CNTN4: variants seen among roughly 807,000 people sequenced by gnomAD.
The protein encoded by CNTN4 is contactin 4.
A neutral mutation model predicts 122.5 loss-of-function variants in CNTN4; 77 were observed. The observed-to-expected ratio is 0.63, with a 90% confidence interval of 0.52 to 0.76. The LOEUF is 0.76. Among genes scored for constraint, CNTN4 ranks in the 30% least tolerant of loss-of-function variants. CNTN4 has a pLI of 0.00. For synonymous variants in CNTN4, 512 were observed against 447.0 expected, an observed-to-expected ratio of 1.15 and a Z score of -1.83; for missense variants, 1,256 against 1,259.1, an observed-to-expected ratio of 1.00 and a Z score of 0.04.
intron 4 of CNTN4, among the ~76,000 whole-genome samples, chr3:2,684,869 CAAG>C (rs2085351134): frequency 6.6e-6 from 1 of 152,036 alleles, no homozygotes; most frequent in Non-Finnish European, 1.5e-5. Flanking sequence ...AGTGCTCAAG[CAAG>C]AAGATTTAGG....
At chr3:2,172,517 A>G (rs1415281503) in intron 2 of CNTN4, among the ~76,000 whole-genome samples, 1 of 152,198 alleles carries the variant, frequency 6.6e-6, no homozygotes, top group Non-Finnish European at 1.5e-5. Context: ...TATCCACGTA[A>G]CCAAAAACCA....
chr3:2,208,651 A>T (rs1575084900), intron 2 of CNTN4, among the ~76,000 whole-genome samples: 1 of 152,274 alleles, frequency 6.6e-6, no homozygotes, highest in Middle Eastern at 3.4e-3. Context: ...ACAGCACCAC[A>T]TGCTACAGAG....
At chr3:2,263,160 C>G (rs1163538240) in intron 2 of CNTN4, among the ~76,000 whole-genome samples, 1 of 152,082 alleles carries the variant, frequency 6.6e-6, no homozygotes, top group Non-Finnish European at 1.5e-5. Context: ...GAAAAATTAG[C>G]AGTATTTTGC....
At chr3:2,610,580 T>A (rs915000770) in intron 4 of CNTN4, among the ~76,000 whole-genome samples, 1 of 152,224 alleles carries the variant, frequency 6.6e-6, no homozygotes, top group Non-Finnish European at 1.5e-5. Context: ...TTACACTTTG[T>A]GTATTTTGCC....
chr3:2,512,821 A>G (rs2076928113), intron 3 of CNTN4, among the ~76,000 whole-genome samples: 1 of 152,194 alleles, frequency 6.6e-6, no homozygotes, highest in East Asian at 1.9e-4. Context: ...AGTGGGAAAT[A>G]CAGTTTCCCT....
intron 3 of CNTN4, among the ~76,000 whole-genome samples, chr3:2,436,553 T>C (rs1575625780): frequency 6.6e-6 from 1 of 152,098 alleles, no homozygotes; most frequent in East Asian, 1.9e-4. Flanking sequence ...GGAATCACTC[T>C]CTTTTGGCCT....
chr3:3,051,319 CAAGT>C (rs1411939934), intron 23 of CNTN4, among the ~76,000 whole-genome samples: 2 of 152,146 alleles, frequency 1.3e-5, no homozygotes, highest in African/African-American at 2.4e-5. Context: ...TCAGCTCAAG[CAAGT>C]GTTTGGTGTA....
At chr3:2,631,535 TCTGGTTCTATA>T (rs2082429420) in intron 4 of CNTN4, among the ~76,000 whole-genome samples, 1 of 152,160 alleles carries the variant, frequency 6.6e-6, no homozygotes, top group South Asian at 2.1e-4. Context: ...ATGTCCACCA[TCTGGTTCTATA>T]CCGGTTTTCA....
intron 3 of CNTN4, among the ~76,000 whole-genome samples, chr3:2,502,342 T>G (rs745932293): frequency 1.3e-5 from 2 of 152,166 alleles, no homozygotes; most frequent in Non-Finnish European, 2.9e-5. Context: ...AACCAGGGTT[T>G]TAAAGTTTTT....
chr3:2,489,943 GC>G (rs1433055520), intron 3 of CNTN4, among the ~76,000 whole-genome samples: 1 of 152,078 alleles, frequency 6.6e-6, no homozygotes, highest in East Asian at 1.9e-4. Flanking sequence ...AGTCTATTCT[GC>G]CATTTTATAT....
intron 4 of CNTN4, among the ~76,000 whole-genome samples, chr3:2,572,546 C>T (rs1394200967): frequency 6.6e-6 from 1 of 152,172 alleles, no homozygotes; most frequent in Non-Finnish European, 1.5e-5. Context: ...GCTTGGGCTG[C>T]TGTGTATCAT....
At chr3:2,866,696 C>T in intron 7 of CNTN4, 56 bp from the exon 8 acceptor site, 3 of 1,481,642 alleles carry the variant, frequency 2.0e-6, no homozygotes, top group South Asian at 2.3e-5. Flanking sequence ...TTCATGAAAA[C>T]AGTAGAGTTC....
rs76285896 is a variant in CNTN4, at chr3:2,674,920, C to G, written c.56-61295C>G. On this transcript the variant is annotated intron_variant, in intron 4 of 24. Coordinates refer to ENST00000418658, the MANE Select transcript of CNTN4 (RefSeq NM_175607.3). ...TTCCCAGCCTCTAGTAGCCTCTATTCTACTCTCTACTTTCATATGATTAAT... is the reference window on the plus strand; with the variant it reads ...TTCCCAGCCTCTAGTAGCCTCTATTGTACTCTCTACTTTCATATGATTAAT... 7.6e-3 allele frequency among the ~76,000 whole-genome samples: 1,155 copies of G among 152,304 alleles called. 47 individuals are homozygous for G. The East Asian group carries it at 0.11, about 15-fold the overall frequency.
At chr3:2,741,005 A>G (rs1051833978) in intron 5 of CNTN4, among the ~76,000 whole-genome samples, 1 of 152,170 alleles carries the variant, frequency 6.6e-6, no homozygotes, top group African/African-American at 2.4e-5. Context: ...AAATAACAGA[A>G]TTTTCATCCA....
At chr3:2,584,478 C>T (rs1447016740) in intron 4 of CNTN4, among the ~76,000 whole-genome samples, 7 of 151,902 alleles carry the variant, frequency 4.6e-5, no homozygotes, top group African/African-American at 9.7e-5. Flanking sequence ...CTGAGGCGGG[C>T]GGATCACCTG....
chr3:2,584,456 C>G (rs916983342), intron 4 of CNTN4, among the ~76,000 whole-genome samples: 7 of 152,022 alleles, frequency 4.6e-5, no homozygotes, highest in African/African-American at 1.7e-4. Flanking sequence ...GTAATTCCAG[C>G]ACTTTGTGAG....
At chr3:2,729,389 CAA>C (rs1428347200) in intron 4 of CNTN4, among the ~76,000 whole-genome samples, 1 of 148,772 alleles carries the variant, frequency 6.7e-6, no homozygotes, top group African/African-American at 2.5e-5. Context: ...ACAAAATTAA[CAA>C]AAAATTAGCC....
intron 3 of CNTN4, among the ~76,000 whole-genome samples, chr3:2,520,499 C>T (rs554120650): frequency 1.3e-5 from 2 of 151,794 alleles, no homozygotes; most frequent in Non-Finnish European, 2.9e-5. Flanking sequence ...GTCTCGAACT[C>T]CTGACCTCTG....
At chr3:2,287,886 A>T (rs969251575) in intron 2 of CNTN4, among the ~76,000 whole-genome samples, 1 of 152,194 alleles carries the variant, frequency 6.6e-6, no homozygotes, top group African/African-American at 2.4e-5. Context: ...CTTGTATTAC[A>T]TTGCAAGAAT....
Sources: gnomAD v4.1 joint callset for allele counts (sites outside exome capture counted in the v4.1 genomes callset) on GRCh38, gnomAD v4.1.1 for gene constraint, MANE v1.5 for transcripts, NCBI Gene and HGNC (gene_info 2026-07-23, HGNC 2026-07-21) for gene names.